FCHO2: variants seen among roughly 807,000 people sequenced by gnomAD.
FCHO2 encodes F-BAR domain only protein 2.
In FCHO2, 43 loss-of-function variants were observed where a neutral mutation model predicts 114.1. The observed-to-expected ratio is 0.38, with a 90% confidence interval of 0.30 to 0.49. FCHO2 has a LOEUF of 0.49. FCHO2 is among the 20% of genes least tolerant of loss of function. The pLI is 0.97. For missense variants in FCHO2, 807 were observed against 950.4 expected (o/e 0.85, Z 1.98); for synonymous variants, 293 against 315.2 (o/e 0.93, Z 0.75).
intron 16 of FCHO2, among the ~76,000 whole-genome samples, chr5:73,057,881 A>G (rs1050963723): frequency 6.6e-6 from 1 of 152,148 alleles, no homozygotes; most frequent in Non-Finnish European, 1.5e-5. Flanking sequence ...ATGGGAATTA[A>G]TCTTCCCCAT....
At chr5:73,056,235 GTCTC>G (rs898254503) in intron 16 of FCHO2, 128 bp downstream of exon 16, 1 of 655,136 alleles carries the variant, frequency 1.5e-6, no homozygotes, top group African/African-American at 1.9e-5. Context: ...CATATGCCCA[GTCTC>G]TCTCACAGTC....
chr5:73,043,411 C>T (rs1246822144), intron 11 of FCHO2, among the ~76,000 whole-genome samples: 1 of 73,404 alleles, frequency 1.4e-5, no homozygotes, highest in Non-Finnish European at 3.2e-5. Flanking sequence ...CACACACATA[C>T]ACACACACAC....
In FCHO2 at chr5:72,956,103, A is replaced by T; in HGVS notation, c.7A>T (p.Met3Leu). The change falls in exon 1 of 26, where the codon ATG becomes TTG. Residue 3 changes from methionine (M) to leucine (L), a missense_variant. Met to Leu is a conservative substitution (Grantham distance 15). Coordinates refer to ENST00000430046, the MANE Select transcript of FCHO2 (RefSeq NM_138782.3). MV[M>L]AYFVENFWGE... ...CCGGCGCGGCGGCGGCACGATGGTC[A>T]TGGCGTATTTCGTCGAGAATTTTTG... is the stretch of plus-strand genomic sequence containing the variant. 1 of 1,542,214 alleles carries T rather than the reference A, an allele frequency of 6.5e-7. No individual in the cohort carries two copies. The highest frequency in any genetic ancestry group is 2.5e-5 in the East Asian group (1 of 39,708).
At chr5:72,963,902 GTTTTTTTTTTTTTTTTTT>G (rs70973214) in intron 1 of FCHO2, among the ~76,000 whole-genome samples, 1 of 95,694 alleles carries the variant, frequency 1.0e-5, no homozygotes, top group Non-Finnish European at 1.9e-5. Context: ...GGAACTTTCA[GTTTTTTTTTTTTTTTTTT>G]TTTTTTTTTG....
chr5:73,085,505 T>C (rs1267785374), intron 24 of FCHO2, among the ~76,000 whole-genome samples: 2 of 152,022 alleles, frequency 1.3e-5, no homozygotes, highest in African/African-American at 4.8e-5. Flanking sequence ...CCAGGCATGG[T>C]GGCTCATTCC....
chr5:73,009,564 TCTCA>T (rs1454811350), intron 6 of FCHO2, among the ~76,000 whole-genome samples: 1 of 152,134 alleles, frequency 6.6e-6, no homozygotes, highest in African/African-American at 2.4e-5. Flanking sequence ...TGAGACAGGG[TCTCA>T]CTCTGTCAAC....
At chr5:73,020,971 G>C in intron 8 of FCHO2, 2 of 1,595,744 alleles carry the variant, frequency 1.3e-6, no homozygotes, top group South Asian at 1.1e-5. Context: ...GAGTGGTTCG[G>C]GTCCATTCAC....
At chr5:73,079,260 T>C (rs897612331) in intron 22 of FCHO2, among the ~76,000 whole-genome samples, 17 of 152,114 alleles carry the variant, frequency 1.1e-4, no homozygotes, top group Non-Finnish European at 2.5e-4. Context: ...CCACCGCTCC[T>C]GGCAAGAAAT....
At chr5:73,045,671 A>G (rs918697202) in intron 11 of FCHO2, among the ~76,000 whole-genome samples, 3 of 152,058 alleles carry the variant, frequency 2.0e-5, no homozygotes, top group Non-Finnish European at 2.9e-5. Flanking sequence ...CCCCTTTGTT[A>G]TTATTCATGT....
chr5:73,089,203 A>G lies in FCHO2; in HGVS notation c.*1113A>G, dbSNP rs1374890233. 6.6e-6 allele frequency: 1 copy of G among 152,580 alleles called. No individual in the cohort carries two copies. The highest frequency in any genetic ancestry group is 6.5e-5 in the Admixed American group (1 of 15,276). The allele number at this position is 152,580 out of a possible 1,614,324, so 9.5% of individuals were successfully genotyped here. On this transcript the variant is annotated 3_prime_UTR_variant, in exon 26 of 26. Transcript: ENST00000430046. ...TTTTAAAACAAATTCTAAAAAAACT[A>G]TAGTGCTAAATTGGTAACTGGTATT...
At chr5:73,009,729 G>A (rs1230483930) in intron 6 of FCHO2, among the ~76,000 whole-genome samples, 1 of 152,108 alleles carries the variant, frequency 6.6e-6, no homozygotes, top group Non-Finnish European at 1.5e-5. Flanking sequence ...TAGAGACAGG[G>A]TTTCACCATG....
At chr5:72,985,661 A>AT (rs1261453498) in intron 2 of FCHO2, among the ~76,000 whole-genome samples, 2 of 151,736 alleles carry the variant, frequency 1.3e-5, no homozygotes, top group South Asian at 4.2e-4. Flanking sequence ...TTTTTAATTA[A>AT]TTTTTTTTGA....
chr5:72,973,131 A>G (rs575177813), intron 2 of FCHO2, among the ~76,000 whole-genome samples: 144 of 152,230 alleles, frequency 9.5e-4, no homozygotes, highest in African/African-American at 2.7e-3. Context: ...TTTTTGCATC[A>G]ATGTTCATCA....
At chr5:72,956,213 C>T in intron 1 of FCHO2, 84 bp downstream of exon 1, 7 of 1,492,492 alleles carry the variant, frequency 4.7e-6, no homozygotes, top group Non-Finnish European at 6.3e-6. Flanking sequence ...CTTCGGGCGG[C>T]GGCGGCGGCC....
intron 2 of FCHO2, among the ~76,000 whole-genome samples, chr5:72,983,547 CTTTTTTTT>C (rs35592345): frequency 8.9e-5 from 10 of 112,898 alleles, no homozygotes; most frequent in African/African-American, 2.0e-4. Context: ...AGTGACAATA[CTTTTTTTT>C]TTTTTTTTTT....
Position 73,078,160 on chromosome 5 carries a change from T to TA in FCHO2, c.1848-19dup. 1.4e-6 allele frequency: 2 copies of TA among 1,461,102 alleles called. No individual in the cohort carries two copies. Among genetic ancestry groups the TA allele is most frequent in the South Asian group, 3.0e-5 (2 of 67,476 alleles). The allele number at this position is 1,461,102 out of a possible 1,614,324, so 90.5% of individuals were successfully genotyped here. On this transcript the variant is annotated intron_variant, in intron 21 of 25. Transcript: ENST00000430046. ...AAAGATAAGTCAATAAAATAACAAA[T>TA]ATATTTTTTATATATGTAGTGATCC...
chr5:72,999,378 CTT>C (rs762347449), intron 5 of FCHO2, among the ~76,000 whole-genome samples: 22,697 of 99,084 alleles, frequency 0.23, 2,637 homozygotes, highest in East Asian at 0.45. Context: ...ATTCACAGGC[CTT>C]TTTTTTTTTT....
intron 1 of FCHO2, among the ~76,000 whole-genome samples, chr5:72,963,867 T>C (rs995201938): frequency 4.0e-5 from 6 of 151,460 alleles, no homozygotes; most frequent in Non-Finnish European, 7.4e-5. Flanking sequence ...GCTGTAATTT[T>C]CTTTAATCAT....
chr5:72,997,139 C>A lies in FCHO2; in HGVS notation c.495+6275C>A, dbSNP rs1431583228. The A allele has an allele frequency of 2.0e-5, 22 of 1,122,004 alleles. 1 individual carries two copies. In the Admixed American group the frequency reaches 3.2e-4, roughly 16 times the overall value. 69.5% of individuals were successfully genotyped at this position (1,122,004 alleles called of 1,614,324 possible). On this transcript the variant is annotated intron_variant, in intron 5 of 25. Coordinates refer to ENST00000430046, the MANE Select transcript of FCHO2 (RefSeq NM_138782.3). ...GGATGAGATACTTATTCACTCCCAC[C>A]ATGATGGGGTCCTGAGGCTCACAGT...
Sources: allele counts gnomAD v4.1 joint callset (sites outside exome capture counted in the v4.1 genomes callset), GRCh38; gene constraint gnomAD v4.1.1; transcripts MANE v1.5; gene names NCBI Gene and HGNC (gene_info 2026-07-23, HGNC 2026-07-21).